PLEKHA3: variants seen among roughly 807,000 people sequenced by gnomAD.
PLEKHA3 encodes pleckstrin homology domain-containing family A member 3.
In PLEKHA3, 19 loss-of-function variants were observed where a neutral mutation model predicts 39.2. That is an observed-to-expected ratio of 0.48 (90% CI 0.34 to 0.71). PLEKHA3 has a LOEUF of 0.71. Ranked by LOEUF, PLEKHA3 falls within the 30% of genes least tolerant of loss-of-function variation. The pLI, the probability that PLEKHA3 is intolerant of heterozygous loss-of-function variation, is 0.01. For missense variants in PLEKHA3, 253 were observed against 359.5 expected (o/e 0.70, Z 2.40); for synonymous variants, 97 against 118.6 (o/e 0.82, Z 1.18).
intron 7 of PLEKHA3, among the ~76,000 whole-genome samples, chr2:178,503,384 G>T (rs1419915251): frequency 1.3e-5 from 2 of 151,876 alleles, no homozygotes; most frequent in African/African-American, 4.8e-5. Context: ...CTTTGCCTAG[G>T]AACAAGGAGG....
At position 178,509,248 on chromosome 2, in the gene PLEKHA3, T is replaced by A. The variant is rs1685646951; in HGVS notation, c.*5361T>A. 1 of 152,154 alleles carries A rather than the reference T, an allele frequency of 6.6e-6. No individual in the cohort carries two copies. Among genetic ancestry groups the A allele is most frequent in the Admixed American group, 6.5e-5 (1 of 15,278 alleles). The allele number at this position is 152,154 out of a possible 1,614,324, so 9.4% of individuals were successfully genotyped here. A position where few individuals can be genotyped will look rare whatever the true frequency, so the allele number is the denominator to read the frequency against. ...TTGTATGTTTCACTGAAAGTCTAGA[T>A]TTAAATTCTAATAGTGTATAAAAAA... is the stretch of plus-strand genomic sequence containing the variant. On this transcript the variant is annotated 3_prime_UTR_variant, in exon 8 of 8. Coordinates refer to ENST00000234453, the MANE Select transcript of PLEKHA3 (RefSeq NM_019091.4).
rs986707518 is a variant in PLEKHA3, at chr2:178,504,117, T to A, written c.*230T>A. 2 of 318,974 alleles carry A rather than the reference T, an allele frequency of 6.3e-6. No homozygotes were observed. Among genetic ancestry groups the A allele is most frequent in the African/African-American group, 4.2e-5 (2 of 47,290 alleles). 19.8% of individuals were successfully genotyped at this position (318,974 alleles called of 1,614,324 possible). A position where few individuals can be genotyped will look rare whatever the true frequency, so the allele number is the denominator to read the frequency against. On this transcript the variant is annotated 3_prime_UTR_variant, in exon 8 of 8. Coordinates refer to ENST00000234453, the MANE Select transcript of PLEKHA3 (RefSeq NM_019091.4). The stretch of plus-strand genomic sequence containing the variant: ...CTTCACAGTATGAATGTGCATCTTT[T>A]TTTTTTGAACAAATGATGGTGTAAC...
intron 4 of PLEKHA3, among the ~76,000 whole-genome samples, chr2:178,494,602 G>A (rs1685409698): frequency 6.6e-6 from 1 of 152,146 alleles, no homozygotes; most frequent in South Asian, 2.1e-4. Context: ...TGTTGGGGAG[G>A]AATCTTGTGT....
Position 178,510,558 on chromosome 2 carries a change from G to C in PLEKHA3, c.*6671G>C, listed in dbSNP as rs369251708. 6 of 153,760 alleles carry C rather than the reference G, an allele frequency of 3.9e-5. No homozygotes were observed. The highest frequency in any genetic ancestry group is 7.3e-5 in the Non-Finnish European group (5 of 68,080). 9.5% of individuals were successfully genotyped at this position (153,760 alleles called of 1,614,324 possible). On this transcript the variant is annotated 3_prime_UTR_variant, in exon 8 of 8. Transcript: ENST00000234453. ...CCCTCATGAATAGATTAATGCCGCC[G>C]TGTAAAGGGCTTGTGGGCGTGGGTG... is the stretch of plus-strand genomic sequence containing the variant.
chr2:178,503,669 G>A, intron 7 of PLEKHA3, 91 bp from the exon 8 acceptor site: 2 of 1,334,716 alleles, frequency 1.5e-6, no homozygotes, highest in Non-Finnish European at 2.0e-6. Flanking sequence ...GGAATTTCAT[G>A]TCCCTGAACA....
In PLEKHA3 at chr2:178,490,641, C is replaced by A. The variant is rs1320135964; in HGVS notation, c.158-18C>A. The A allele has an allele frequency of 1.2e-6, 2 of 1,607,444 alleles. No individual in the cohort carries two copies. The highest frequency in any genetic ancestry group is 1.7e-6 in the Non-Finnish European group (2 of 1,175,266). On this transcript the variant is annotated intron_variant, in intron 2 of 7. Coordinates refer to ENST00000234453, the MANE Select transcript of PLEKHA3 (RefSeq NM_019091.4). Reference sequence around the variant, plus strand: ...ACTTAAGTCTATAACTGTATTTCCCCTTTGTTTATCATCATAGTTCATTCA... The same window carrying A: ...ACTTAAGTCTATAACTGTATTTCCCATTTGTTTATCATCATAGTTCATTCA...
chr2:178,481,164 A>G (rs1685157026), intron 1 of PLEKHA3, among the ~76,000 whole-genome samples: 2 of 152,182 alleles, frequency 1.3e-5, no homozygotes, highest in African/African-American at 4.8e-5. Context: ...CTGTAGCCTC[A>G]GGAACAATTC....
chr2:178,485,859 T>C (rs1036762865), intron 2 of PLEKHA3, 102 bp downstream of exon 2: 5 of 793,110 alleles, frequency 6.3e-6, no homozygotes, highest in Non-Finnish European at 1.1e-5. Flanking sequence ...CACGTAGGGA[T>C]CATCTAATAC....
In PLEKHA3 at chr2:178,480,804, C is replaced by T; in HGVS notation, c.-66C>T. 2 of 1,294,378 alleles carry T rather than the reference C, an allele frequency of 1.5e-6. No individual in the cohort carries two copies. The highest frequency in any genetic ancestry group is 2.0e-6 in the Non-Finnish European group (2 of 1,006,424). The allele number at this position is 1,294,378 out of a possible 1,614,324, so 80.2% of individuals were successfully genotyped here. ...GGGCCGGGAGGGGCTGCCCCAGGCC[C>T]TGCGCCTACCCCATCACCGCGGCCG... On this transcript the variant is annotated 5_prime_UTR_variant, in exon 1 of 8. Transcript: ENST00000234453.
rs568537054 is a variant in PLEKHA3, at chr2:178,508,442, C to T, written c.*4555C>T. ...TTCTTGAATGGTTCTCCCCCTCCCC[C>T]ACCATGTTTCTGCTTTCTATTTATT... On this transcript the variant is annotated 3_prime_UTR_variant, in exon 8 of 8. Transcript: ENST00000234453. The T allele has an allele frequency of 1.5e-4, 23 of 152,358 alleles. No homozygotes were observed. The highest frequency in any genetic ancestry group is 5.3e-4 in the African/African-American group (22 of 41,558). 9.4% of individuals were successfully genotyped at this position (152,358 alleles called of 1,614,324 possible).
Position 178,515,223 on chromosome 2 carries a change from A to G in PLEKHA3, c.*11336A>G, listed in dbSNP as rs979058345. The G allele has an allele frequency of 1.3e-5, 2 of 151,622 alleles. No homozygotes were observed. The highest frequency in any genetic ancestry group is 2.9e-5 in the Non-Finnish European group (2 of 67,950). The allele number at this position is 151,622 out of a possible 1,614,324, so 9.4% of individuals were successfully genotyped here. On this transcript the variant is annotated 3_prime_UTR_variant, in exon 8 of 8. Transcript: ENST00000234453. Reference sequence around the variant, plus strand: ...CAAGTCCATTAGTGTCTTACTCTAGAGAAAACGAAAGACTCACTGTGTGAG... The same window carrying G: ...CAAGTCCATTAGTGTCTTACTCTAGGGAAAACGAAAGACTCACTGTGTGAG...
Position 178,516,426 on chromosome 2 carries a change from G to A in PLEKHA3, c.*12539G>A, listed in dbSNP as rs1685765573. ...AATTCTGCTTGTCGAAAATATTGTA[G>A]TAATTTTATAAATTCAATAAAACCT... On this transcript the variant is annotated 3_prime_UTR_variant, in exon 8 of 8. Coordinates refer to ENST00000234453, the MANE Select transcript of PLEKHA3 (RefSeq NM_019091.4). 6.6e-6 allele frequency: 1 copy of A among 151,780 alleles called. No homozygotes were observed. Among genetic ancestry groups the A allele is most frequent in the Non-Finnish European group, 1.5e-5 (1 of 67,984 alleles). The allele number at this position is 151,780 out of a possible 1,614,324, so 9.4% of individuals were successfully genotyped here.
rs1186095994 is a variant in PLEKHA3 at position 178,514,542 on chromosome 2, C to G, written c.*10655C>G. The G allele has an allele frequency of 2.0e-5, 3 of 152,060 alleles. No homozygotes were observed. Among genetic ancestry groups the G allele is most frequent in the Non-Finnish European group, 4.4e-5 (3 of 68,020 alleles). 9.4% of individuals were successfully genotyped at this position (152,060 alleles called of 1,614,324 possible). On this transcript the variant is annotated 3_prime_UTR_variant, in exon 8 of 8. Transcript: ENST00000234453. ...ACTTTAAAATGGGAACAAACATAGCCTGTCATGTCTTTATTTAGGCTAAGT... is the reference window on the plus strand; with the variant it reads ...ACTTTAAAATGGGAACAAACATAGCGTGTCATGTCTTTATTTAGGCTAAGT...
chr2:178,484,708 C>T (rs1018339289), intron 1 of PLEKHA3, among the ~76,000 whole-genome samples: 1 of 152,212 alleles, frequency 6.6e-6, no homozygotes, highest in Non-Finnish European at 1.5e-5. Flanking sequence ...AGTCACACTG[C>T]TCCCAGCATG....
chr2:178,496,856 C>G (rs1005213125), intron 5 of PLEKHA3, among the ~76,000 whole-genome samples: 3 of 152,060 alleles, frequency 2.0e-5, no homozygotes, highest in Non-Finnish European at 4.4e-5. Context: ...CACCACGGTG[C>G]CTGGCTATGT....
chr2:178,485,686 A>C lies in PLEKHA3; in HGVS notation c.86A>C (p.Tyr29Ser). 1 of 1,613,842 alleles carries C rather than the reference A, an allele frequency of 6.2e-7. No homozygotes were observed. Among genetic ancestry groups the C allele is most frequent in the Non-Finnish European group, 8.5e-7 (1 of 1,179,868 alleles). The part of the protein sequence containing the change: ...WFVLDNGILS[Y>S]YDSQDDVCKG... ...GTTTTAGATAATGGAATCTTATCCT[A>C]CTATGATTCACAAGATGATGTTTGC... is the stretch of plus-strand genomic sequence containing the variant. The change falls in exon 2 of 8, where the codon TAC becomes TCC. Residue 29 changes from tyrosine to serine, a missense_variant. This residue lies in a region of PLEKHA3 where 126 missense variants were observed against 222.7 expected (regional missense o/e 0.57). Transcript: ENST00000234453.
chr2:178,482,033 A>G (rs186597907), intron 1 of PLEKHA3: 1 of 153,862 alleles, frequency 6.5e-6, no homozygotes, highest in East Asian at 1.9e-4. Flanking sequence ...TTTTTGATTT[A>G]TTAGAATGCT....
intron 1 of PLEKHA3, 125 bp downstream of exon 1, chr2:178,481,034 C>T (rs1278748597): frequency 2.2e-6 from 2 of 896,040 alleles, no homozygotes; most frequent in Non-Finnish European, 3.0e-6. Context: ...CTACTCGATT[C>T]CAGGGCTTGT....
intron 6 of PLEKHA3, among the ~76,000 whole-genome samples, chr2:178,499,928 C>T (rs1338885759): frequency 6.6e-6 from 1 of 152,082 alleles, no homozygotes; most frequent in Non-Finnish European, 1.5e-5. Flanking sequence ...AGCTAGGGCT[C>T]ATTTTACCTC....
Sources: gnomAD v4.1 joint callset for allele counts (sites outside exome capture counted in the v4.1 genomes callset) on GRCh38, gnomAD v4.1.1 for gene constraint, gnomAD v4.1.1 regional missense constraint, MANE v1.5 for transcripts, NCBI Gene and HGNC (gene_info 2026-07-23, HGNC 2026-07-21) for gene names.